DAB1: variants seen among roughly 807,000 people sequenced by gnomAD.
DAB1 encodes disabled homolog 1.
Under a neutral mutation model 64.6 loss-of-function variants are expected in DAB1, and 15 were observed. That is an observed-to-expected ratio of 0.23 (90% CI 0.16 to 0.36). The LOEUF (loss-of-function observed/expected upper bound fraction) is 0.36. Among genes scored for constraint, DAB1 ranks in the 10% least tolerant of loss-of-function variants. The probability of loss-of-function intolerance (pLI) is 1.00; values close to 1 mark genes in which losing one functional copy is unlikely to be tolerated. For synonymous variants in DAB1, 235 were observed against 251.9 expected, an observed-to-expected ratio of 0.93 and a Z score of 0.64; for missense variants, 596 against 706.7, an observed-to-expected ratio of 0.84 and a Z score of 1.78.
chr1:57,331,745 C>T (rs77550422), intron 1 of DAB1, among the ~76,000 whole-genome samples: 16,045 of 152,190 alleles, frequency 0.11, 924 homozygotes, highest in Middle Eastern at 0.13. Context: ...TTACCCTTCC[C>T]ACAATTGCTC....
chr1:58,544,926 A>T (rs1646677133), intron 1 of DAB1, among the ~76,000 whole-genome samples: 1 of 152,002 alleles, frequency 6.6e-6, no homozygotes, highest in South Asian at 2.1e-4. Flanking sequence ...TTTTCTGTAG[A>T]CACGGTGTGT....
At chr1:57,416,973 T>C (rs905914093) in intron 1 of DAB1, among the ~76,000 whole-genome samples, 5 of 152,202 alleles carry the variant, frequency 3.3e-5, no homozygotes, top group African/African-American at 1.2e-4. Flanking sequence ...AGGAAAATTA[T>C]TGGACAAAAT....
At chr1:57,030,153 A>G (rs1326701282) in intron 9 of DAB1, among the ~76,000 whole-genome samples, 2 of 152,164 alleles carry the variant, frequency 1.3e-5, no homozygotes, top group Non-Finnish European at 2.9e-5. Flanking sequence ...GATAGTGAAT[A>G]AGTCTTATGA....
intron 1 of DAB1, among the ~76,000 whole-genome samples, chr1:57,846,646 C>T (rs1211188040): frequency 2.0e-5 from 3 of 152,030 alleles, no homozygotes; most frequent in East Asian, 1.9e-4. Flanking sequence ...TCCCATTGTA[C>T]CAATGAGAAA....
upstream of DAB1, among the ~76,000 whole-genome samples, chr1:57,887,195 A>C (rs1423958134): frequency 2.2e-4 from 34 of 152,078 alleles, no homozygotes; most frequent in Admixed American, 2.2e-3. Flanking sequence ...CTTCCATTGC[A>C]CTGTCTATTA....
chr1:58,309,460 A>T (rs1662379811), intron 4 of DAB1, among the ~76,000 whole-genome samples: 1 of 152,154 alleles, frequency 6.6e-6, no homozygotes, highest in African/African-American at 2.4e-5. Context: ...AGGGTTCCAG[A>T]CGGGTAGGGA....
chr1:58,437,883 T>A (rs1044995301), intron 3 of DAB1, among the ~76,000 whole-genome samples: 1 of 152,142 alleles, frequency 6.6e-6, no homozygotes, highest in Non-Finnish European at 1.5e-5. Context: ...GTAGCCCATC[T>A]CCACGTCCTA....
intron 7 of DAB1, among the ~76,000 whole-genome samples, chr1:57,521,139 T>C (rs928827426): frequency 6.6e-5 from 10 of 152,102 alleles, no homozygotes; most frequent in African/African-American, 2.4e-4. Context: ...TCTTTCCACC[T>C]CTCCAGACAA....
intron 6 of DAB1, among the ~76,000 whole-genome samples, chr1:57,707,677 A>T (rs143969655): frequency 0.013 from 2,030 of 152,128 alleles, 48 homozygotes; most frequent in African/African-American, 0.047. Flanking sequence ...TTATATATTG[A>T]TGTTTTCTTT....
At chr1:57,123,861 A>G (rs1478714819) in intron 4 of DAB1, among the ~76,000 whole-genome samples, 1 of 152,178 alleles carries the variant, frequency 6.6e-6, no homozygotes, top group East Asian at 1.9e-4. Flanking sequence ...GAATGGTGAT[A>G]TATACACAAA....
At chr1:58,274,526 GGCTCCACCCAGTTCGA>G (rs1661383515) in intron 4 of DAB1, among the ~76,000 whole-genome samples, 1 of 138,516 alleles carries the variant, frequency 7.2e-6, no homozygotes, top group African/African-American at 2.7e-5. Context: ...AGCTGTGGTG[GGCTCCACCCAGTTCGA>G]GCTTCCTGGC....
intron 4 of DAB1, among the ~76,000 whole-genome samples, chr1:58,320,389 G>A (rs1197422886): frequency 1.3e-5 from 2 of 152,212 alleles, no homozygotes; most frequent in African/African-American, 2.4e-5. Flanking sequence ...TGTGCTATGT[G>A]TATACACTCC....
rs1042181963 is a variant in DAB1, at chr1:58,439,015, A to G, written n.257+67045T>C. On this transcript the variant is annotated intron_variant and non_coding_transcript_variant, in intron 3 of 20. Transcript: ENST00000485760. ...GTGGGACTGCGAGGGGGTGGGGGCC[A>G]GGGCCTGGGAGCTAATGGGTTCTGT... 6.6e-5 allele frequency among the ~76,000 whole-genome samples: 10 copies of G among 152,230 alleles called. No homozygotes were observed. The South Asian group carries it at 1.9e-3, about 28-fold the overall frequency.
At chr1:58,182,570 T>C (rs1275632448) in intron 4 of DAB1, among the ~76,000 whole-genome samples, 5 of 152,026 alleles carry the variant, frequency 3.3e-5, no homozygotes. Flanking sequence ...GAATCTGCTG[T>C]TGAGCCCCTT....
In DAB1 at chr1:58,090,681, C is replaced by A. The variant is rs986654532; in HGVS notation, n.387+59830G>T. Among the ~76,000 whole-genome samples, 4 of 152,116 alleles carry A rather than the reference C, an allele frequency of 2.6e-5. 1 individual carries two copies. Among genetic ancestry groups the A allele is most frequent in the Admixed American group, 2.6e-4 (4 of 15,274 alleles). ...TCATGCTATACTTCCATTAGGCCACCCACTACTCATTTAGGGAGGGACAAT... is the reference window on the plus strand; with the variant it reads ...TCATGCTATACTTCCATTAGGCCACACACTACTCATTTAGGGAGGGACAAT... On this transcript the variant is annotated intron_variant and non_coding_transcript_variant, in intron 5 of 20. Coordinates refer to the DAB1 transcript ENST00000485760.
intron 5 of DAB1, among the ~76,000 whole-genome samples, chr1:57,992,405 A>G (rs1646358490): frequency 6.6e-6 from 1 of 152,204 alleles, no homozygotes. Flanking sequence ...ATTTACATCA[A>G]TGAAGGAACA....
chr1:58,017,043 G>A (rs771138394), intron 5 of DAB1, among the ~76,000 whole-genome samples: 4 of 152,072 alleles, frequency 2.6e-5, no homozygotes, highest in South Asian at 2.1e-4. Flanking sequence ...CCATGGTCAT[G>A]GTGGCACAGT....
intron 2 of DAB1, among the ~76,000 whole-genome samples, chr1:57,256,751 C>A (rs1669794544): frequency 2.0e-5 from 3 of 152,210 alleles, no homozygotes; most frequent in African/African-American, 7.2e-5. Flanking sequence ...TTTGTATTTG[C>A]TGCTCAGCTA....
chr1:57,265,334 C>T (rs1670505534), intron 2 of DAB1, among the ~76,000 whole-genome samples: 2 of 152,120 alleles, frequency 1.3e-5, no homozygotes, highest in Admixed American at 6.6e-5. Flanking sequence ...ATTTATGGAC[C>T]TAATTGTCAG....
Sources: allele counts gnomAD v4.1 joint callset (sites outside exome capture counted in the v4.1 genomes callset), GRCh38; gene constraint gnomAD v4.1.1; transcripts MANE v1.5; gene names NCBI Gene and HGNC (gene_info 2026-07-23, HGNC 2026-07-21).